ANKRD6: variants seen among roughly 807,000 people sequenced by gnomAD.
ANKRD6 encodes the protein ankyrin repeat domain 6, also known as ankyrin repeat domain-containing protein 6.
In ANKRD6, 56 loss-of-function variants were observed where a neutral mutation model predicts 82.3. The ratio of observed to expected loss-of-function variants is 0.68; its 90% CI spans 0.55 to 0.85. ANKRD6 has a LOEUF of 0.85. ANKRD6 is among the 40% of genes least tolerant of loss of function. The pLI is 0.00. For missense variants in ANKRD6, 852 were observed against 907.6 expected, an observed-to-expected ratio of 0.94 and a Z score of 0.79; for synonymous variants, 347 against 352.1, an observed-to-expected ratio of 0.99 and a Z score of 0.16.
chr6:89,490,908 CA>C, intron 1 of ANKRD6, among the ~76,000 whole-genome samples: 1 of 152,206 alleles, frequency 6.6e-6, no homozygotes, highest in Non-Finnish European at 1.5e-5. Context: ...AAAGGTTTTG[CA>C]GATGTGATTA....
At chr6:89,600,126 A>G (rs557665214) in intron 3 of ANKRD6, among the ~76,000 whole-genome samples, 8 of 152,290 alleles carry the variant, frequency 5.3e-5, no homozygotes, top group African/African-American at 1.9e-4. Flanking sequence ...ATGTCCTCCC[A>G]AGGTCTGAAC....
At chr6:89,438,886 G>A (rs752180170) in intron 1 of ANKRD6, among the ~76,000 whole-genome samples, 1 of 152,108 alleles carries the variant, frequency 6.6e-6, no homozygotes, top group Non-Finnish European at 1.5e-5. Context: ...CAGGTGATCC[G>A]CCGGCCTCGG....
intron 7 of ANKRD6, among the ~76,000 whole-genome samples, chr6:89,615,168 A>AC (rs1163153508): frequency 1.3e-5 from 2 of 151,454 alleles, no homozygotes; most frequent in East Asian, 3.9e-4. Context: ...TAACTAAAAA[A>AC]AAAAAATTAG....
At chr6:89,525,272 C>T (rs535476637) in intron 1 of ANKRD6, among the ~76,000 whole-genome samples, 48 of 137,252 alleles carry the variant, frequency 3.5e-4, no homozygotes, top group Admixed American at 3.3e-3. Flanking sequence ...CCAGCCTGGG[C>T]GACATAGCAA....
At chr6:89,464,875 A>G (rs2039056691) in intron 1 of ANKRD6, among the ~76,000 whole-genome samples, 1 of 152,194 alleles carries the variant, frequency 6.6e-6, no homozygotes, top group African/African-American at 2.4e-5. Context: ...TAAGATTTCA[A>G]TAATGCTATT....
intron 1 of ANKRD6, among the ~76,000 whole-genome samples, chr6:89,454,554 A>G (rs1476119728): frequency 6.6e-6 from 1 of 152,240 alleles, no homozygotes; most frequent in East Asian, 1.9e-4. Flanking sequence ...TTAATTACAT[A>G]GTGAGCTGTG....
intron 2 of ANKRD6, among the ~76,000 whole-genome samples, chr6:89,575,797 C>T (rs1327812023): frequency 6.6e-6 from 1 of 152,178 alleles, no homozygotes; most frequent in Non-Finnish European, 1.5e-5. Flanking sequence ...CTGGAATGTC[C>T]TGGCTCCTGT....
At chr6:89,473,943 T>C (rs979810347) in intron 1 of ANKRD6, among the ~76,000 whole-genome samples, 7 of 152,186 alleles carry the variant, frequency 4.6e-5, no homozygotes, top group Non-Finnish European at 8.8e-5. Flanking sequence ...ATCGTGCCAC[T>C]GCACTCAAGC....
At chr6:89,489,381 A>C (rs544369809) in intron 1 of ANKRD6, among the ~76,000 whole-genome samples, 1 of 152,308 alleles carries the variant, frequency 6.6e-6, no homozygotes, top group East Asian at 1.9e-4. Context: ...TAAGGATGCC[A>C]GCTGCCCACA....
intron 1 of ANKRD6, among the ~76,000 whole-genome samples, chr6:89,501,527 A>G (rs369051150): frequency 4.6e-5 from 7 of 152,338 alleles, no homozygotes; most frequent in Admixed American, 3.3e-4. Flanking sequence ...CGAGAATGCT[A>G]GGCTTATTCA....
At chr6:89,607,502 T>C (rs1408881893) in intron 5 of ANKRD6, among the ~76,000 whole-genome samples, 2 of 152,178 alleles carry the variant, frequency 1.3e-5, no homozygotes, top group Non-Finnish European at 2.9e-5. Context: ...AATATAAATT[T>C]GTGTATTTAA....
intron 3 of ANKRD6, chr6:89,598,311 C>T (rs1411514610): frequency 2.6e-5 from 26 of 985,042 alleles, no homozygotes; most frequent in Admixed American, 1.2e-4. Context: ...ACATAGCTCC[C>T]GCCTCAGAAA....
At chr6:89,475,193 G>T (rs577746266) in intron 1 of ANKRD6, among the ~76,000 whole-genome samples, 2 of 152,230 alleles carry the variant, frequency 1.3e-5, no homozygotes, top group African/African-American at 4.8e-5. Context: ...TGTAAAACAT[G>T]AATAGATGCA....
In ANKRD6 at chr6:89,599,713, G is replaced by A. The variant is rs182234370; in HGVS notation, c.220-3316G>A. Among the ~76,000 whole-genome samples, 455 of 152,302 alleles carry A rather than the reference G, an allele frequency of 3.0e-3. 2 individuals are homozygous for A. Among genetic ancestry groups the A allele is most frequent in the African/African-American group, 0.011 (443 of 41,536 alleles). Reference sequence around the variant, plus strand: ...AAGATGATAACCTGAGGCAGCTATTGTTTACATGTTTCATGTCTCTCACCT... The same window carrying A: ...AAGATGATAACCTGAGGCAGCTATTATTTACATGTTTCATGTCTCTCACCT... On this transcript the variant is annotated intron_variant, in intron 3 of 15. Coordinates refer to ENST00000339746, the MANE Select transcript of ANKRD6 (RefSeq NM_001242809.2).
rs140371716 is a variant in ANKRD6 at position 89,550,190 on chromosome 6, A to G, written c.-143-16644A>G. Reference sequence around the variant, plus strand: ...GCTGTTAGGTATATATGGTATATATATATGTGTCTGTATATTCACCAAGAG... The same window carrying G: ...GCTGTTAGGTATATATGGTATATATGTATGTGTCTGTATATTCACCAAGAG... On this transcript the variant is annotated intron_variant, in intron 1 of 15. Transcript: ENST00000339746. Among the ~76,000 whole-genome samples, 132 of 152,340 alleles carry G rather than the reference A, an allele frequency of 8.7e-4. 1 individual carries two copies. The East Asian group carries it at 0.021, about 24-fold the overall frequency.
chr6:89,501,144 C>T (rs577234073), intron 1 of ANKRD6, among the ~76,000 whole-genome samples: 5 of 152,110 alleles, frequency 3.3e-5, no homozygotes, highest in South Asian at 4.1e-4. Context: ...GGATGCTTTT[C>T]GTCATTGAGG....
intron 15 of ANKRD6, 135 bp from the exon 16 acceptor site, chr6:89,630,297 GA>G: frequency 9.9e-7 from 1 of 1,009,436 alleles, no homozygotes; most frequent in Admixed American, 2.9e-5. Flanking sequence ...GCTCAGAGGA[GA>G]CGTTACACAT....
At chr6:89,463,033 A>T (rs1365127182) in intron 1 of ANKRD6, among the ~76,000 whole-genome samples, 3 of 151,852 alleles carry the variant, frequency 2.0e-5, no homozygotes, top group African/African-American at 7.3e-5. Flanking sequence ...TAATTTTTTA[A>T]AAAATTCTTT....
At chr6:89,499,399 A>T (rs1779014843) in intron 1 of ANKRD6, among the ~76,000 whole-genome samples, 1 of 152,064 alleles carries the variant, frequency 6.6e-6, no homozygotes, top group Non-Finnish European at 1.5e-5. Context: ...CTTCATTGAT[A>T]CTTATGTGTT....
Sources: allele counts gnomAD v4.1 joint callset (sites outside exome capture counted in the v4.1 genomes callset), GRCh38; gene constraint gnomAD v4.1.1; transcripts MANE v1.5; gene names NCBI Gene and HGNC (gene_info 2026-07-23, HGNC 2026-07-21).